The following FYB1 variants were observed in gnomAD, a reference collection of about 807,000 sequenced individuals.
FYB1 encodes the protein FYN binding protein 1, also known as FYN-binding protein 1.
FYB1 carries 41 observed loss-of-function variants against 94.1 expected under a neutral mutation model. That is an observed-to-expected ratio of 0.44 (90% confidence interval 0.34 to 0.57). FYB1 has a LOEUF of 0.57. Ranked by LOEUF, FYB1 falls within the 20% of genes least tolerant of loss-of-function variation. The pLI is 0.02. For missense variants in FYB1, 1,050 were observed against 976.8 expected (o/e 1.07, Z -1.00); for synonymous variants, 367 against 353.2 (o/e 1.04, Z -0.44).
Position 39,202,256 on chromosome 5 carries a change from G to C in FYB1, c.705C>G (p.Ser235Arg). ...CTTCCCTTGCTGGTTTTAAAGGGCC[G>C]CTTTTGGACCTGACTCCCAGGGGAG... ...SPAPLGVRSK[S>R]GPLKPAREDS... Residue 235 changes from serine (S) to arginine (R), a missense_variant, in exon 2 of 19, where the codon AGC becomes AGG. By Grantham distance (110) the Ser-to-Arg change is moderately radical (BLOSUM62 -1). Coordinates refer to ENST00000512982, the MANE Select transcript of FYB1 (RefSeq NM_001465.6). 1 of 1,613,876 alleles carries C rather than the reference G, an allele frequency of 6.2e-7. No individual in the cohort carries two copies. The highest frequency in any genetic ancestry group is 8.5e-7 in the Non-Finnish European group (1 of 1,179,878).
chr5:39,166,869 GT>G (rs1744785781), intron 2 of FYB1, among the ~76,000 whole-genome samples: 1 of 151,984 alleles, frequency 6.6e-6, no homozygotes, highest in Non-Finnish European at 1.5e-5. Flanking sequence ...CACTATTCTG[GT>G]GATGGTTATA....
At chr5:39,147,970 G>C (rs1441660297) in intron 3 of FYB1, among the ~76,000 whole-genome samples, 1 of 131,736 alleles carries the variant, frequency 7.6e-6, no homozygotes, top group Admixed American at 7.6e-5. Context: ...GTGAGCCACC[G>C]CGCCCGGCAA....
intron 1 of FYB1, among the ~76,000 whole-genome samples, chr5:39,248,731 G>A (rs1751588541): frequency 6.6e-6 from 1 of 152,114 alleles, no homozygotes; most frequent in African/African-American, 2.4e-5. Flanking sequence ...CAGCTACTCA[G>A]GAGTCTGAGA....
At chr5:39,226,619 C>T (rs1223134498) in intron 1 of FYB1, among the ~76,000 whole-genome samples, 2 of 152,142 alleles carry the variant, frequency 1.3e-5, no homozygotes, top group African/African-American at 4.8e-5. Flanking sequence ...TGTATTGCAT[C>T]GTATGATAGC....
At chr5:39,228,665 C>A (rs959673177) in intron 1 of FYB1, among the ~76,000 whole-genome samples, 1 of 152,000 alleles carries the variant, frequency 6.6e-6, no homozygotes, top group African/African-American at 2.4e-5. Context: ...TTTTTGATAC[C>A]GTATTTCCCC....
At chr5:39,128,143 T>C (rs575807376) in intron 10 of FYB1, among the ~76,000 whole-genome samples, 65 of 152,146 alleles carry the variant, frequency 4.3e-4, no homozygotes, top group African/African-American at 1.5e-3. Context: ...AGCTAACTAG[T>C]TAATGGTGAG....
intron 13 of FYB1, 35 bp from the exon 14 acceptor site, chr5:39,122,437 T>C: frequency 7.0e-6 from 9 of 1,288,330 alleles, no homozygotes; most frequent in Non-Finnish European, 9.9e-6. Context: ...GTTGAAACAC[T>C]GTTAGTTTAG....
chr5:39,185,795 G>A (rs949220442), intron 2 of FYB1, among the ~76,000 whole-genome samples: 1 of 151,960 alleles, frequency 6.6e-6, no homozygotes, highest in Non-Finnish European at 1.5e-5. Context: ...TATAAAAGTT[G>A]GAGCCACTCC....
intron 2 of FYB1, among the ~76,000 whole-genome samples, chr5:39,155,491 T>C (rs1312790336): frequency 6.6e-6 from 1 of 152,224 alleles, no homozygotes; most frequent in Non-Finnish European, 1.5e-5. Context: ...AAATGTTGAA[T>C]CCGGTTCGTT....
intron 9 of FYB1, among the ~76,000 whole-genome samples, chr5:39,133,946 G>T (rs1305389399): frequency 2.5e-4 from 38 of 152,038 alleles, no homozygotes; most frequent in Non-Finnish European, 2.6e-4. Context: ...CATTATAAAA[G>T]TGTTTTAGAA....
At chr5:39,253,369 C>CA (rs56377184) in intron 1 of FYB1, among the ~76,000 whole-genome samples, 48,701 of 151,860 alleles carry the variant, frequency 0.32, 9,458 homozygotes, top group African/African-American at 0.55. Flanking sequence ...TAAACACTGC[C>CA]AAAAGCCATC....
intron 2 of FYB1, among the ~76,000 whole-genome samples, chr5:39,180,641 G>C (rs1355969309): frequency 6.6e-6 from 1 of 152,172 alleles, no homozygotes; most frequent in Admixed American, 6.5e-5. Flanking sequence ...TTTAGCAAAA[G>C]ATGCTAATGC....
At chr5:39,193,476 C>T (rs567279396) in intron 2 of FYB1, among the ~76,000 whole-genome samples, 1 of 152,286 alleles carries the variant, frequency 6.6e-6, no homozygotes, top group South Asian at 2.1e-4. Context: ...CATGCATAAA[C>T]TTCAAAAAGT....
intron 7 of FYB1, among the ~76,000 whole-genome samples, chr5:39,136,711 G>T (rs1288379545): frequency 6.6e-6 from 1 of 152,166 alleles, no homozygotes; most frequent in Non-Finnish European, 1.5e-5. Flanking sequence ...CTGACTTGAT[G>T]CTATACATTT....
intron 13 of FYB1, among the ~76,000 whole-genome samples, chr5:39,123,772 A>G (rs1464961933): frequency 6.6e-6 from 1 of 152,194 alleles, no homozygotes; most frequent in Non-Finnish European, 1.5e-5. Context: ...CTCAGCAGGG[A>G]TGAAAAAATA....
intron 1 of FYB1, among the ~76,000 whole-genome samples, chr5:39,212,208 T>C (rs1749458692): frequency 6.6e-6 from 1 of 152,000 alleles, no homozygotes; most frequent in African/African-American, 2.4e-5. Context: ...CTCTGGAGGC[T>C]GGGGTGGGAT....
Position 39,141,105 on chromosome 5 carries a change from C to A in FYB1, c.1329G>T (p.Thr443=), listed in dbSNP as rs778155667. 2 of 1,588,384 alleles carry A rather than the reference C, an allele frequency of 1.3e-6. No homozygotes were observed. The highest frequency in any genetic ancestry group is 1.1e-5 in the South Asian group (1 of 87,110). ...PVNEDNQDGV[T]HSDGAGNLDE... Reference sequence around the variant, plus strand: ...GTTTTTGTCGTTTACCATCAGAGTGCGTGACACCATCTTGATTGTCTTCAT... The same window carrying A: ...GTTTTTGTCGTTTACCATCAGAGTGAGTGACACCATCTTGATTGTCTTCAT... Residue 443 remains threonine, a synonymous_variant, in exon 4 of 19, where the codon ACG becomes ACT. Coordinates refer to ENST00000512982, the MANE Select transcript of FYB1 (RefSeq NM_001465.6).
chr5:39,178,641 G>C (rs1579574177), intron 2 of FYB1, among the ~76,000 whole-genome samples: 1 of 152,160 alleles, frequency 6.6e-6, no homozygotes, highest in South Asian at 2.1e-4. Context: ...AAATAAAGTG[G>C]AAAAACATGG....
At chr5:39,245,041 A>G (rs141275157) in intron 1 of FYB1, among the ~76,000 whole-genome samples, 1,545 of 151,396 alleles carry the variant, frequency 0.01, 23 homozygotes, top group African/African-American at 0.036. Context: ...TTTCTTCTTT[A>G]TTAGTCTTGC....
Sources: gnomAD v4.1 joint callset for allele counts (sites outside exome capture counted in the v4.1 genomes callset) on GRCh38, gnomAD v4.1.1 for gene constraint, MANE v1.5 for transcripts, NCBI Gene and HGNC (gene_info 2026-07-23, HGNC 2026-07-21) for gene names.